Variants in IFITM1 observed in about 807,000 individuals in gnomAD.
The protein encoded by IFITM1 is interferon-induced transmembrane protein 1.
A neutral mutation model predicts 4.0 loss-of-function variants in IFITM1; 1 was observed. The ratio of observed to expected loss-of-function variants is 0.25; its 90% CI spans 0.09 to 1.18. The LOEUF is 1.18. Among genes scored for constraint, IFITM1 ranks in the 50% most tolerant of loss-of-function variants. IFITM1 has a pLI of 0.50. For missense variants in IFITM1, 131 were observed against 163.2 expected, an observed-to-expected ratio of 0.80 and a Z score of 1.08; for synonymous variants, 79 against 69.7, an observed-to-expected ratio of 1.13 and a Z score of -0.67.
At position 315,020 on chromosome 11, in the gene IFITM1, C is replaced by T. The variant is rs1373844607; in HGVS notation, c.285C>T (p.Leu95=). The T allele has an allele frequency of 6.2e-7, 1 of 1,614,226 alleles. No homozygotes were observed. Among genetic ancestry groups the T allele is most frequent in the East Asian group, 2.2e-5 (1 of 44,892 alleles). Reference sequence around the variant, plus strand: ...TCTGGGCCCTGATTCTGGGCATCCTCATGACCATTGGATTCATCCTGTTAC... The same window carrying T: ...TCTGGGCCCTGATTCTGGGCATCCTTATGACCATTGGATTCATCCTGTTAC... ...LNIWALILGI[L]MTIGFILLLV... is the part of the protein sequence containing the mutation. Residue 95 remains leucine, a synonymous_variant, in exon 2 of 2, where the codon CTC becomes CTT. Transcript: ENST00000408968.
chr11:314,351 G>T lies in IFITM1; in HGVS notation c.181G>T (p.Val61Leu). 1 of 1,613,936 alleles carries T rather than the reference G, an allele frequency of 6.2e-7. No individual in the cohort carries two copies. Among genetic ancestry groups the T allele is most frequent in the Non-Finnish European group, 8.5e-7 (1 of 1,179,842 alleles). Residue 61 changes from valine (V) to leucine (L), a missense_variant, in exon 1 of 2, where the codon GTG becomes TTG. Val to Leu is a conservative substitution (Grantham distance 32). Coordinates refer to ENST00000408968, the MANE Select transcript of IFITM1 (RefSeq NM_003641.5). The surrounding 1 kb of genome is among the most constrained non-coding windows in gnomAD (Gnocchi z 4.5). ...GGGCTTCATAGCATTCGCCTACTCC[G>T]TGAAGGTGCGTATGGCCCTGGCGGA... ...CLGFIAFAYS[V>L]KSRDRKMVGD...
At position 314,798 on chromosome 11, in the gene IFITM1, G is replaced by A. The variant is rs1846036483; in HGVS notation, c.187-124G>A. ...GGATGAGCCCCGAGGCTCCTGGAGA[G>A]TCTGAGCCCGGGTGAGGAAGGGGAG... On this transcript the variant is annotated intron_variant, in intron 1 of 1. Transcript: ENST00000408968. The surrounding 1 kb of genome is among the most constrained non-coding windows in gnomAD (Gnocchi z 4.5). 1.3e-5 allele frequency: 18 copies of A among 1,398,876 alleles called. No homozygotes were observed. The highest frequency in any genetic ancestry group is 1.7e-5 in the Non-Finnish European group (17 of 1,007,164). The allele number at this position is 1,398,876 out of a possible 1,614,324, so 86.7% of individuals were successfully genotyped here.
At position 314,759 on chromosome 11, in the gene IFITM1, C is replaced by T. The variant is rs534723631; in HGVS notation, c.187-163C>T. ...GTGGGGAGAACAGCCTGTGCTGGGG[C>T]CAAGGCAGAAGGAGGATGAGCCCCG... On this transcript the variant is annotated intron_variant, in intron 1 of 1. Transcript: ENST00000408968. This position sits in a 1 kb window ranked among gnomAD's most constrained non-coding sequence, Gnocchi z 4.5. Among the ~76,000 whole-genome samples the T allele has an allele frequency of 1.3e-4, 20 of 152,176 alleles. No individual in the cohort carries two copies. Among genetic ancestry groups the T allele is most frequent in the East Asian group, 1.9e-4 (1 of 5,188 alleles).
At position 314,122 on chromosome 11, in the gene IFITM1, C is replaced by A. The variant is rs369859926; in HGVS notation, c.-49C>A. On this transcript the variant is annotated 5_prime_UTR_variant, in exon 1 of 2. Transcript: ENST00000408968. This position sits in a 1 kb window ranked among gnomAD's most constrained non-coding sequence, Gnocchi z 4.5. ...GCGGCCCTTCGCTCCACGCAGAAAA[C>A]CACACTTCTCAAACCTTCACTCAAC... 5 of 1,579,022 alleles carry A rather than the reference C, an allele frequency of 3.2e-6. No homozygotes were observed. The highest frequency in any genetic ancestry group is 1.3e-5 in the African/African-American group (1 of 74,224).
Position 315,154 on chromosome 11 carries a change from A to ATGC in IFITM1, c.*44_*46dup. ...TGCAACCTTTGCACTCCACTGTGCA[A>ATGC]TGCTGGCCCTGCACGCTGGGGCTGT... On this transcript the variant is annotated 3_prime_UTR_variant, in exon 2 of 2. Transcript: ENST00000408968. The ATGC allele has an allele frequency of 6.3e-7, 1 of 1,596,796 alleles. No homozygotes were observed. The highest frequency in any genetic ancestry group is 8.6e-7 in the Non-Finnish European group (1 of 1,166,318).
chr11:315,215 C>T lies in IFITM1; in HGVS notation c.*102C>T. On this transcript the variant is annotated 3_prime_UTR_variant, in exon 2 of 2. Coordinates refer to ENST00000408968, the MANE Select transcript of IFITM1 (RefSeq NM_003641.5). ...CCCTTGGTCCTGCCCCTAGATACAG[C>T]AGTTTATACCCACACACCTGTCTAC... The T allele has an allele frequency of 9.5e-7, 1 of 1,047,562 alleles. No homozygotes were observed. Among genetic ancestry groups the T allele is most frequent in the Non-Finnish European group, 1.4e-6 (1 of 694,350 alleles). The allele number at this position is 1,047,562 out of a possible 1,614,324, so 64.9% of individuals were successfully genotyped here. A position where few individuals can be genotyped will look rare whatever the true frequency, so the allele number is the denominator to read the frequency against.
chr11:314,907 T>C lies in IFITM1; in HGVS notation c.187-15T>C. 6.2e-7 allele frequency: 1 copy of C among 1,610,516 alleles called. No homozygotes were observed. The highest frequency in any genetic ancestry group is 2.2e-5 in the East Asian group (1 of 44,838). Reference sequence around the variant, plus strand: ...CTGGGGGATCCTGGTCCCCTCACCATCTCCTCTCCCCCAGTCTAGGGACAG... The same window carrying C: ...CTGGGGGATCCTGGTCCCCTCACCACCTCCTCTCCCCCAGTCTAGGGACAG... On this transcript the variant is annotated splice_polypyrimidine_tract_variant and intron_variant, in intron 1 of 1. Coordinates refer to ENST00000408968, the MANE Select transcript of IFITM1 (RefSeq NM_003641.5). This position sits in a 1 kb window ranked among gnomAD's most constrained non-coding sequence, Gnocchi z 4.5.
Position 314,385 on chromosome 11 carries a change from G to A in IFITM1, c.186+29G>A. ...CGTATGGCCCTGGCGGAAATCCAGGGGGTGCCGGTGAGCCTGGGGCTCCAC... is the reference window on the plus strand; with the variant it reads ...CGTATGGCCCTGGCGGAAATCCAGGAGGTGCCGGTGAGCCTGGGGCTCCAC... On this transcript the variant is annotated intron_variant, in intron 1 of 1. Coordinates refer to ENST00000408968, the MANE Select transcript of IFITM1 (RefSeq NM_003641.5). The surrounding 1 kb of genome is among the most constrained non-coding windows in gnomAD (Gnocchi z 4.5). 1 of 1,612,478 alleles carries A rather than the reference G, an allele frequency of 6.2e-7. No individual in the cohort carries two copies.
chr11:314,968 A>G lies in IFITM1; in HGVS notation c.233A>G (p.Tyr78Cys), dbSNP rs1470721918. The change falls in exon 2 of 2, where the codon TAT (tyrosine) becomes TGT (cysteine). Residue 78 changes from tyrosine (Y) to cysteine (C), a missense_variant. Transcript: ENST00000408968. This position sits in a 1 kb window ranked among gnomAD's most constrained non-coding sequence, Gnocchi z 4.5. ...GGCGACGTGACCGGGGCCCAGGCCT[A>G]TGCCTCCACCGCCAAGTGCCTGAAC... is the stretch of plus-strand genomic sequence containing the variant. ...MVGDVTGAQA[Y>C]ASTAKCLNIW... The G allele has an allele frequency of 6.2e-7, 1 of 1,613,852 alleles. No individual in the cohort carries two copies. The highest frequency in any genetic ancestry group is 8.5e-7 in the Non-Finnish European group (1 of 1,180,010).
Position 315,053 on chromosome 11 carries a change from C to G in IFITM1, c.318C>G (p.Phe106Leu), listed in dbSNP as rs1330145242. ...TTGGATTCATCCTGTTACTGGTATTCGGCTCTGTGACAGTCTACCATATTA... is the reference window on the plus strand; with the variant it reads ...TTGGATTCATCCTGTTACTGGTATTGGGCTCTGTGACAGTCTACCATATTA... Reference protein sequence around the residue: ...MTIGFILLLVFGSVTVYHIML... With the variant: ...MTIGFILLLVLGSVTVYHIML... Residue 106 changes from phenylalanine to leucine, a missense_variant, in exon 2 of 2, where the codon TTC becomes TTG. By Grantham distance (22) the Phe-to-Leu change is conservative (BLOSUM62 0). Around this residue, in one of 3 missense-constraint regions of IFITM1, gnomAD observed 35 missense variants for 30.1 expected, o/e 1.16. Transcript: ENST00000408968. 7 of 1,614,056 alleles carry G rather than the reference C, an allele frequency of 4.3e-6. No individual in the cohort carries two copies. Among genetic ancestry groups the G allele is most frequent in the Non-Finnish European group, 4.2e-6 (5 of 1,180,016 alleles).
In IFITM1 at chr11:314,566, G is replaced by A. The variant is rs1846035040; in HGVS notation, c.186+210G>A. Reference sequence around the variant, plus strand: ...AATCTGCCCAGTGCAGGTCTAGGAGGAGGCTCCAGGAGGCTGGCTGGCTGG... The same window carrying A: ...AATCTGCCCAGTGCAGGTCTAGGAGAAGGCTCCAGGAGGCTGGCTGGCTGG... On this transcript the variant is annotated intron_variant, in intron 1 of 1. Transcript: ENST00000408968. The surrounding 1 kb of genome is among the most constrained non-coding windows in gnomAD (Gnocchi z 4.5). 1.3e-6 allele frequency: 1 copy of A among 781,076 alleles called. No homozygotes were observed. Among genetic ancestry groups the A allele is most frequent in the African/African-American group, 1.7e-5 (1 of 58,846 alleles). The allele number at this position is 781,076 out of a possible 1,614,324, so 48.4% of individuals were successfully genotyped here.
chr11:314,291 C>G lies in IFITM1; in HGVS notation c.121C>G (p.Leu41Val), dbSNP rs1028626998. 6.2e-7 allele frequency: 1 copy of G among 1,613,870 alleles called. No individual in the cohort carries two copies. Among genetic ancestry groups the G allele is most frequent in the Non-Finnish European group, 8.5e-7 (1 of 1,179,886 alleles). ...TSVPDHVVWS[L>V]FNTLFLNWCC... The stretch of plus-strand genomic sequence containing the variant: ...CGTGCCCGACCATGTCGTCTGGTCC[C>G]TGTTCAACACCCTCTTCTTGAACTG... The change falls in exon 1 of 2, where the codon CTG (leucine) becomes GTG (valine). Residue 41 changes from leucine to valine, a missense_variant. Around this residue, in one of 3 missense-constraint regions of IFITM1, gnomAD observed 77 missense variants for 80.1 expected, o/e 0.96. Transcript: ENST00000408968. The surrounding 1 kb of genome is among the most constrained non-coding windows in gnomAD (Gnocchi z 4.5).
In IFITM1 at chr11:314,907, T is replaced by A; in HGVS notation, c.187-15T>A. On this transcript the variant is annotated splice_polypyrimidine_tract_variant and intron_variant, in intron 1 of 1. Coordinates refer to ENST00000408968, the MANE Select transcript of IFITM1 (RefSeq NM_003641.5). This position sits in a 1 kb window ranked among gnomAD's most constrained non-coding sequence, Gnocchi z 4.5. ...CTGGGGGATCCTGGTCCCCTCACCA[T>A]CTCCTCTCCCCCAGTCTAGGGACAG... 2 of 1,610,516 alleles carry A rather than the reference T, an allele frequency of 1.2e-6. No homozygotes were observed. Among genetic ancestry groups the A allele is most frequent in the Non-Finnish European group, 1.7e-6 (2 of 1,178,564 alleles).
In IFITM1 at chr11:314,276, C is replaced by T. The variant is rs1846032260; in HGVS notation, c.106C>T (p.His36Tyr). ...NIHSETSVPD[H>Y]VVWSLFNTLF... ...CCACAGCGAGACCTCCGTGCCCGAC[C>T]ATGTCGTCTGGTCCCTGTTCAACAC... The change falls in exon 1 of 2, where the codon CAT (histidine) becomes TAT (tyrosine). Residue 36 changes from histidine (H) to tyrosine (Y), a missense_variant. Transcript: ENST00000408968. This position sits in a 1 kb window ranked among gnomAD's most constrained non-coding sequence, Gnocchi z 4.5. The T allele has an allele frequency of 6.2e-7, 1 of 1,613,950 alleles. No homozygotes were observed. Among genetic ancestry groups the T allele is most frequent in the Non-Finnish European group, 8.5e-7 (1 of 1,179,862 alleles).
chr11:314,519 G>A lies in IFITM1; in HGVS notation c.186+163G>A. The A allele has an allele frequency of 1.4e-6, 1 of 699,830 alleles. No homozygotes were observed. The highest frequency in any genetic ancestry group is 1.7e-5 in the South Asian group (1 of 58,022). 43.4% of individuals were successfully genotyped at this position (699,830 alleles called of 1,614,324 possible). On this transcript the variant is annotated intron_variant, in intron 1 of 1. Coordinates refer to ENST00000408968, the MANE Select transcript of IFITM1 (RefSeq NM_003641.5). The surrounding 1 kb of genome is among the most constrained non-coding windows in gnomAD (Gnocchi z 4.5). Reference sequence around the variant, plus strand: ...GTCAGTAGCTTTGTCTGTGTGATCTGTGTGTGTGTGTGGCTTTGGGGAATC... The same window carrying A: ...GTCAGTAGCTTTGTCTGTGTGATCTATGTGTGTGTGTGGCTTTGGGGAATC...
In IFITM1 at chr11:314,846, C is replaced by T. The variant is rs1846036970; in HGVS notation, c.187-76C>T. The T allele has an allele frequency of 4.4e-6, 7 of 1,600,986 alleles. No individual in the cohort carries two copies. The highest frequency in any genetic ancestry group is 3.3e-5 in the South Asian group (3 of 90,138). On this transcript the variant is annotated intron_variant, in intron 1 of 1. Coordinates refer to ENST00000408968, the MANE Select transcript of IFITM1 (RefSeq NM_003641.5). This position sits in a 1 kb window ranked among gnomAD's most constrained non-coding sequence, Gnocchi z 4.5. ...GAGGAGGTGGTCCCTGATCTCAGGGCGGGGAGGAGACGGAGCCATAGCACG... is the reference window on the plus strand; with the variant it reads ...GAGGAGGTGGTCCCTGATCTCAGGGTGGGGAGGAGACGGAGCCATAGCACG...
At position 314,251 on chromosome 11, in the gene IFITM1, C is replaced by G; in HGVS notation, c.81C>G (p.Ile27Met). The part of the protein sequence containing the change: ...TILPRSTVIN[I>M]HSETSVPDHV... ...TTCCAAGGTCCACCGTGATCAACATCCACAGCGAGACCTCCGTGCCCGACC... is the reference window on the plus strand; with the variant it reads ...TTCCAAGGTCCACCGTGATCAACATGCACAGCGAGACCTCCGTGCCCGACC... Residue 27 changes from isoleucine to methionine, a missense_variant, in exon 1 of 2, where the codon ATC becomes ATG. By Grantham distance (10) the Ile-to-Met change is conservative. Transcript: ENST00000408968. The surrounding 1 kb of genome is among the most constrained non-coding windows in gnomAD (Gnocchi z 4.5). 5 of 1,613,988 alleles carry G rather than the reference C, an allele frequency of 3.1e-6. No homozygotes were observed. The highest frequency in any genetic ancestry group is 4.2e-6 in the Non-Finnish European group (5 of 1,179,890).
rs1298441536 is a variant in IFITM1 at position 314,640 on chromosome 11, T to C, written c.187-282T>C. Reference sequence around the variant, plus strand: ...CATTAGCCCAGAGCAATTCTCCCTATAGCCCAGTAAGAAATTACACCCTCA... The same window carrying C: ...CATTAGCCCAGAGCAATTCTCCCTACAGCCCAGTAAGAAATTACACCCTCA... On this transcript the variant is annotated intron_variant, in intron 1 of 1. Transcript: ENST00000408968. This position sits in a 1 kb window ranked among gnomAD's most constrained non-coding sequence, Gnocchi z 4.5. Among the ~76,000 whole-genome samples, 1 of 152,212 alleles carries C rather than the reference T, an allele frequency of 6.6e-6. No individual in the cohort carries two copies. The highest frequency in any genetic ancestry group is 1.5e-5 in the Non-Finnish European group (1 of 68,036).
In IFITM1 at chr11:314,186, C is replaced by T. The variant is rs367961349; in HGVS notation, c.16C>T (p.His6Tyr). The T allele has an allele frequency of 1.9e-6, 3 of 1,613,920 alleles. No homozygotes were observed. The highest frequency in any genetic ancestry group is 2.5e-6 in the Non-Finnish European group (3 of 1,179,958). The stretch of plus-strand genomic sequence containing the variant: ...AAGCCAGAAGATGCACAAGGAGGAA[C>T]ATGAGGTGGCTGTGCTGGGGCCACC... MHKEE[H>Y]EVAVLGPPPS... Residue 6 changes from histidine (H) to tyrosine (Y), a missense_variant, in exon 1 of 2, where the codon CAT (histidine) becomes TAT (tyrosine). His to Tyr is a moderately conservative substitution (Grantham distance 83, BLOSUM62 2). Transcript: ENST00000408968. The surrounding 1 kb of genome is among the most constrained non-coding windows in gnomAD (Gnocchi z 4.5).
Sources: gnomAD v4.1 joint callset for allele counts (sites outside exome capture counted in the v4.1 genomes callset) on GRCh38, gnomAD v4.1.1 for gene constraint, gnomAD v4.1.1 regional missense constraint, Gnocchi (gnomAD v3.1) non-coding constraint, MANE v1.5 for transcripts, NCBI Gene and HGNC (gene_info 2026-07-23, HGNC 2026-07-21) for gene names.